SLC30A7: variants seen among roughly 807,000 people sequenced by gnomAD.
SLC30A7 encodes the protein solute carrier family 30 member 7, also known as zinc transporter 7.
Under a neutral mutation model 46.0 loss-of-function variants are expected in SLC30A7, and 35 were observed. The observed-to-expected ratio is 0.76, with a 90% CI of 0.58 to 1.01. The LOEUF (loss-of-function observed/expected upper bound fraction) is 1.01. Among genes scored for constraint, SLC30A7 ranks in the 50% least tolerant of loss-of-function variants. The pLI is 0.00. For synonymous variants in SLC30A7, 147 were observed against 157.8 expected (o/e 0.93, Z 0.51); for missense variants, 464 against 451.1 (o/e 1.03, Z -0.26).
chr1:100,916,530 G>A lies in SLC30A7; in HGVS notation c.656-1547G>A, dbSNP rs570837740. Among the ~76,000 whole-genome samples, 2 of 152,176 alleles carry A rather than the reference G, an allele frequency of 1.3e-5. 1 individual carries two copies. The highest frequency in any genetic ancestry group is 4.1e-4 in the South Asian group (2 of 4,822). On this transcript the variant is annotated intron_variant, in intron 6 of 10. Coordinates refer to ENST00000357650, the MANE Select transcript of SLC30A7 (RefSeq NM_133496.5). Reference sequence around the variant, plus strand: ...GGGTACATGAGATGTTTTGATACAGGCATGCAGTGTGAAATAATCACATCA... The same window carrying A: ...GGGTACATGAGATGTTTTGATACAGACATGCAGTGTGAAATAATCACATCA...
At chr1:100,931,360 A>G (rs542007123) in intron 8 of SLC30A7, among the ~76,000 whole-genome samples, 1 of 152,322 alleles carries the variant, frequency 6.6e-6, no homozygotes, top group African/African-American at 2.4e-5. Flanking sequence ...ATTACTACAC[A>G]CATAAACACA....
chr1:100,919,176 T>C (rs1041476287), intron 7 of SLC30A7, among the ~76,000 whole-genome samples: 2 of 152,226 alleles, frequency 1.3e-5, no homozygotes, highest in East Asian at 3.8e-4. Context: ...TTACAAAGTT[T>C]TACATGCCAG....
chr1:100,956,705 T>G (rs1375327801), intron 8 of SLC30A7, among the ~76,000 whole-genome samples: 1 of 152,222 alleles, frequency 6.6e-6, no homozygotes, highest in African/African-American at 2.4e-5. Context: ...TTAAGTAATG[T>G]TATTTCTCAT....
chr1:100,923,003 G>T (rs1262751500), intron 8 of SLC30A7, among the ~76,000 whole-genome samples: 1 of 103,262 alleles, frequency 9.7e-6, no homozygotes, highest in Non-Finnish European at 1.9e-5. Flanking sequence ...TGTTAGAATA[G>T]ATTTTTTTTT....
At chr1:100,898,022 T>G (rs1651077309) in intron 2 of SLC30A7, among the ~76,000 whole-genome samples, 1 of 152,212 alleles carries the variant, frequency 6.6e-6, no homozygotes, top group African/African-American at 2.4e-5. Flanking sequence ...CATTTTTCTC[T>G]TCCTAAATTA....
chr1:100,916,871 G>A (rs1287779116), intron 6 of SLC30A7, among the ~76,000 whole-genome samples: 10 of 151,794 alleles, frequency 6.6e-5, no homozygotes, highest in Non-Finnish European at 1.2e-4. Flanking sequence ...AATGTTTGTC[G>A]TTCTGTAACT....
intron 8 of SLC30A7, among the ~76,000 whole-genome samples, chr1:100,954,787 A>G (rs952392770): frequency 6.6e-6 from 1 of 152,098 alleles, no homozygotes; most frequent in African/African-American, 2.4e-5. Context: ...GTAATTATCC[A>G]TCACTATGAA....
At chr1:100,970,087 ACAT>A (rs1357874397) in intron 10 of SLC30A7, among the ~76,000 whole-genome samples, 1 of 152,164 alleles carries the variant, frequency 6.6e-6, no homozygotes, top group Non-Finnish European at 1.5e-5. Context: ...CTTTTCGATC[ACAT>A]AGATGCTTCA....
At chr1:100,901,722 G>C (rs1195122377) in intron 2 of SLC30A7, among the ~76,000 whole-genome samples, 1 of 152,158 alleles carries the variant, frequency 6.6e-6, no homozygotes, top group African/African-American at 2.4e-5. Context: ...GGGATTATAG[G>C]CACGAGCCAC....
the SLC30A7 span, among the ~76,000 whole-genome samples, chr1:100,993,676 G>C: frequency 7.0e-6 from 1 of 143,736 alleles, no homozygotes; most frequent in Non-Finnish European, 1.5e-5. Context: ...CTATCCAATA[G>C]AAATATAAAT....
chr1:100,993,981 A>T, the SLC30A7 span, among the ~76,000 whole-genome samples: 4 of 152,146 alleles, frequency 2.6e-5, no homozygotes, highest in South Asian at 6.2e-4. Context: ...TGACCTCGTG[A>T]TCCACCTGCC....
rs1251119115 is a variant in SLC30A7 at position 100,896,626 on chromosome 1, T to C, written c.137T>C (p.Leu46Pro). The C allele has an allele frequency of 1.2e-6, 2 of 1,613,992 alleles. No homozygotes were observed. The highest frequency in any genetic ancestry group is 1.7e-6 in the Non-Finnish European group (2 of 1,180,016). The change falls in exon 2 of 11, where the codon CTC (leucine) becomes CCC (proline). Residue 46 changes from leucine (L) to proline (P), a missense_variant. Coordinates refer to ENST00000357650, the MANE Select transcript of SLC30A7 (RefSeq NM_133496.5). Reference protein sequence around the residue: ...RNLFFFLCLNLSFAFVELLYG... With the variant: ...RNLFFFLCLNPSFAFVELLYG... ...CTGTTTTTCTTCCTGTGCCTGAACC[T>C]CTCTTTCGCTTTTGTGGAACTACTC...
chr1:100,911,657 C>T (rs1445168261), intron 4 of SLC30A7, among the ~76,000 whole-genome samples: 2 of 152,158 alleles, frequency 1.3e-5, no homozygotes, highest in East Asian at 3.9e-4. Flanking sequence ...GTAAGCGATT[C>T]TCCTTCCTCA....
intron 2 of SLC30A7, among the ~76,000 whole-genome samples, chr1:100,898,781 G>T (rs1196267855): frequency 6.6e-6 from 1 of 152,018 alleles, no homozygotes; most frequent in African/African-American, 2.4e-5. Flanking sequence ...GTTCCTGTAG[G>T]TTATATTAGC....
intron 8 of SLC30A7, among the ~76,000 whole-genome samples, chr1:100,952,330 C>G (rs777280970): frequency 6.6e-6 from 1 of 152,166 alleles, no homozygotes; most frequent in South Asian, 2.1e-4. Flanking sequence ...AATTTTTCAT[C>G]TTTAAAATGG....
intron 8 of SLC30A7, among the ~76,000 whole-genome samples, chr1:100,939,127 G>A (rs1654174502): frequency 6.6e-6 from 1 of 152,036 alleles, no homozygotes; most frequent in African/African-American, 2.4e-5. Flanking sequence ...ACCAAAATAG[G>A]GAACTAGACA....
intron 8 of SLC30A7, among the ~76,000 whole-genome samples, chr1:100,933,809 T>C (rs1653800585): frequency 6.6e-6 from 1 of 152,242 alleles, no homozygotes; most frequent in Non-Finnish European, 1.5e-5. Context: ...CTTAATCCAG[T>C]CTATCATTGT....
At chr1:100,993,531 G>A in the SLC30A7 span, among the ~76,000 whole-genome samples, 2 of 134,144 alleles carry the variant, frequency 1.5e-5, no homozygotes, top group South Asian at 2.4e-4. Context: ...CAGCCTGGGC[G>A]ACAGAGCAAG....
At chr1:100,971,220 C>T (rs1020518440) in intron 10 of SLC30A7, among the ~76,000 whole-genome samples, 1 of 152,142 alleles carries the variant, frequency 6.6e-6, no homozygotes. Context: ...ATAATCCCTT[C>T]CTGTGGCTTT....
Sources: gnomAD v4.1 joint callset for allele counts (sites outside exome capture counted in the v4.1 genomes callset) on GRCh38, gnomAD v4.1.1 for gene constraint, MANE v1.5 for transcripts, NCBI Gene and HGNC (gene_info 2026-07-23, HGNC 2026-07-21) for gene names.